The following SYN3 variants were observed in gnomAD, a reference collection of about 807,000 sequenced individuals.
The protein encoded by SYN3 is synapsin-3.
In SYN3, 35 loss-of-function variants were observed where a neutral mutation model predicts 65.8. The ratio of observed to expected loss-of-function variants is 0.53; its 90% CI spans 0.41 to 0.70. The LOEUF (loss-of-function observed/expected upper bound fraction) is 0.70. Ranked by LOEUF, SYN3 falls within the 30% of genes least tolerant of loss-of-function variation. The pLI is 0.00. For missense variants in SYN3, 680 were observed against 749.0 expected, an observed-to-expected ratio of 0.91 and a Z score of 1.08; for synonymous variants, 270 against 292.9, an observed-to-expected ratio of 0.92 and a Z score of 0.80.
At chr22:32,546,292 A>AT (rs1297419239) in intron 7 of SYN3, among the ~76,000 whole-genome samples, 1 of 152,224 alleles carries the variant, frequency 6.6e-6, no homozygotes, top group Non-Finnish European at 1.5e-5. Context: ...GCTGGATTGA[A>AT]TTTAAGAAGG....
intron 6 of SYN3, among the ~76,000 whole-genome samples, chr22:32,750,605 T>TA (rs535836186): frequency 5.9e-5 from 9 of 152,028 alleles, no homozygotes; most frequent in Non-Finnish European, 1.3e-4. Context: ...AAGGGTGACC[T>TA]ACACTTTGCA....
chr22:32,601,780 C>T (rs966964), intron 6 of SYN3, among the ~76,000 whole-genome samples: 133,778 of 152,098 alleles, frequency 0.88, 59,178 homozygotes, highest in East Asian at 1. Flanking sequence ...AACCGGGGAG[C>T]GACCTGCCAG....
chr22:33,002,514 C>T (rs1334695082), intron 2 of SYN3, among the ~76,000 whole-genome samples: 1 of 151,988 alleles, frequency 6.6e-6, no homozygotes, highest in African/African-American at 2.4e-5. Context: ...CGTGGTGGCG[C>T]CTGCCTGTAG....
intron 6 of SYN3, among the ~76,000 whole-genome samples, chr22:32,805,943 G>C (rs1266710337): frequency 1.3e-5 from 2 of 151,916 alleles, no homozygotes; most frequent in Non-Finnish European, 2.9e-5. Context: ...TAGGGAGGGA[G>C]AGCTTATTAT....
intron 7 of SYN3, among the ~76,000 whole-genome samples, chr22:32,575,396 G>T (rs2058836791): frequency 6.6e-6 from 1 of 152,118 alleles, no homozygotes; most frequent in Non-Finnish European, 1.5e-5. Context: ...TGACAGACGT[G>T]TTCTGGCGAG....
chr22:32,899,278 C>T (rs1299395576), intron 4 of SYN3, among the ~76,000 whole-genome samples: 2 of 152,132 alleles, frequency 1.3e-5, no homozygotes, highest in Non-Finnish European at 2.9e-5. Flanking sequence ...AGCCAGTGCA[C>T]AATGAAAATG....
intron 6 of SYN3, among the ~76,000 whole-genome samples, chr22:32,734,005 G>C (rs2061304601): frequency 6.6e-6 from 1 of 152,152 alleles, no homozygotes; most frequent in Non-Finnish European, 1.5e-5. Context: ...AGACTCTAAA[G>C]GAGAGGCAAT....
chr22:32,856,033 A>G (rs2146279247), intron 6 of SYN3, among the ~76,000 whole-genome samples: 1 of 152,346 alleles, frequency 6.6e-6, no homozygotes, highest in South Asian at 2.1e-4. Flanking sequence ...GCTTGAATTC[A>G]ACGTTCACCA....
At chr22:32,871,082 G>C (rs2048838012) in intron 4 of SYN3, among the ~76,000 whole-genome samples, 1 of 152,240 alleles carries the variant, frequency 6.6e-6, no homozygotes, top group African/African-American at 2.4e-5. Flanking sequence ...GACAACAGTG[G>C]CAGCAAACGT....
At chr22:32,937,311 T>C (rs2050800904) in intron 3 of SYN3, among the ~76,000 whole-genome samples, 1 of 152,228 alleles carries the variant, frequency 6.6e-6, no homozygotes, top group Non-Finnish European at 1.5e-5. Flanking sequence ...AAAATTATAA[T>C]ATCTGAAATA....
chr22:32,691,450 C>T (rs1348121694), intron 6 of SYN3, among the ~76,000 whole-genome samples: 1 of 152,078 alleles, frequency 6.6e-6, no homozygotes, highest in African/African-American at 2.4e-5. Flanking sequence ...TAAAAACAAG[C>T]CATATATTTG....
At chr22:32,513,879 A>G (rs144075794) in intron 13 of SYN3, 55 bp from the exon 14 acceptor site, 49,819 of 1,608,316 alleles carry the variant, frequency 0.031, 981 homozygotes, top group Admixed American at 0.065. Flanking sequence ...TATCAAAGAA[A>G]TGGGTCTTGG....
intron 6 of SYN3, among the ~76,000 whole-genome samples, chr22:32,706,050 A>G (rs570615723): frequency 6.6e-6 from 1 of 152,092 alleles, no homozygotes. Context: ...GATGTGCTTT[A>G]TTTCTTTCTC....
chr22:33,026,748 T>C (rs943901411), intron 1 of SYN3, among the ~76,000 whole-genome samples: 2 of 152,154 alleles, frequency 1.3e-5, no homozygotes, highest in African/African-American at 4.8e-5. Flanking sequence ...ATCGACCTGG[T>C]TGGGAACCCA....
intron 9 of SYN3, among the ~76,000 whole-genome samples, chr22:32,536,519 G>A (rs1481139265): frequency 6.6e-6 from 1 of 152,236 alleles, no homozygotes; most frequent in Non-Finnish European, 1.5e-5. Context: ...TGTAGGGGAT[G>A]CTCCCACTCC....
Position 32,931,610 on chromosome 22 carries a change from G to A in SYN3, c.370-129C>T, listed in dbSNP as rs73881913. The A allele has an allele frequency of 8.8e-3, 5,577 of 636,378 alleles. 204 individuals carry two copies. Among genetic ancestry groups the A allele is most frequent in the African/African-American group, 0.086 (4,683 of 54,674 alleles). 39.4% of individuals were successfully genotyped at this position (636,378 alleles called of 1,614,324 possible). On this transcript the variant is annotated intron_variant, in intron 3 of 13. Coordinates refer to ENST00000358763, the MANE Select transcript of SYN3 (RefSeq NM_003490.4). ...CTCCCCTCAAACTTAGGAAGTTGCC[G>A]ATATTATTTTCATCTTTCTTTTTGA...
chr22:32,781,036 T>C (rs1866093130), intron 6 of SYN3, among the ~76,000 whole-genome samples: 1 of 147,602 alleles, frequency 6.8e-6, no homozygotes, highest in Non-Finnish European at 1.5e-5. Context: ...TCTTTTTTCT[T>C]TCTTTCCCCT....
chr22:32,927,325 G>C (rs1190575068), intron 4 of SYN3, among the ~76,000 whole-genome samples: 2 of 148,742 alleles, frequency 1.3e-5, no homozygotes, highest in Non-Finnish European at 3.0e-5. Flanking sequence ...GTGCAGTGGC[G>C]TGATCACAGC....
chr22:32,866,977 C>A (rs924190868), intron 5 of SYN3, among the ~76,000 whole-genome samples: 1 of 152,128 alleles, frequency 6.6e-6, no homozygotes, highest in Non-Finnish European at 1.5e-5. Flanking sequence ...TAAATCATAA[C>A]CCTACCAGGA....
Sources: gnomAD v4.1 joint callset for allele counts (sites outside exome capture counted in the v4.1 genomes callset) on GRCh38, gnomAD v4.1.1 for gene constraint, MANE v1.5 for transcripts, NCBI Gene and HGNC (gene_info 2026-07-23, HGNC 2026-07-21) for gene names.